Variants in OR4C11 observed in about 807,000 individuals in gnomAD.
OR4C11 encodes olfactory receptor family 4 subfamily C member 11.
Under a neutral mutation model 14.7 loss-of-function variants are expected in OR4C11, and 15 were observed. That is an observed-to-expected ratio of 1.02 (90% CI 0.68 to 1.58). The LOEUF (loss-of-function observed/expected upper bound fraction) is 1.58. OR4C11 is among the 40% of genes most tolerant of loss of function. The pLI is 0.00. For synonymous variants in OR4C11, 146 were observed against 135.0 expected (o/e 1.08, Z -0.57); for missense variants, 473 against 383.0 (o/e 1.24, Z -1.96).
rs1321877531 is a variant in OR4C11 at position 55,604,200 on chromosome 11, G to C, written c.174C>G (p.Tyr58Ter). The C allele has an allele frequency of 6.7e-7, 1 of 1,481,608 alleles. No homozygotes were observed. Among genetic ancestry groups the C allele is most frequent in the African/African-American group, 1.4e-5 (1 of 72,566 alleles). The allele number at this position is 1,481,608 out of a possible 1,614,324, so 91.8% of individuals were successfully genotyped here. The change falls in exon 4 of 4, where the codon TAC (tyrosine) becomes TAG (stop). Residue 58 changes from tyrosine (Y) to a stop codon, truncating the protein, a stop_gained. Coordinates refer to ENST00000641580, the MANE Select transcript of OR4C11 (RefSeq NM_001004700.3). LOFTEE classifies it high-confidence loss of function. ...CAAAGGACAAATAAAATAGAAAGAA[G>C]TACATGGGGCTTCCTAGTGTCCGGC... ...KSSRTLGSPM[Y>*]FFLFYLSFAD...
intron 3 of OR4C11, 70 bp downstream of exon 3, chr11:55,605,056 A>G (rs1298214940): frequency 1.4e-5 from 2 of 138,746 alleles, no homozygotes; most frequent in Non-Finnish European, 3.2e-5. Context: ...CAAAAAGTCA[A>G]TCATTACAGT....
chr11:55,603,598 G>T lies in OR4C11; in HGVS notation c.776C>A (p.Pro259His), dbSNP rs565082722. Reference sequence around the variant, plus strand: ...CTTGTCCATGGGGAAAGTGGTCGGGGGGCGTGTATATATGAATATACATGG... The same window carrying T: ...CTTGTCCATGGGGAAAGTGGTCGGGTGGCGTGTATATATGAATATACATGG... Reference protein sequence around the residue: ...FGPCIFIYTRPPTTFPMDKMV... With the variant: ...FGPCIFIYTRHPTTFPMDKMV... Residue 259 changes from proline to histidine, a missense_variant, in exon 4 of 4, where the codon CCC (proline) becomes CAC (histidine). Physicochemically the swap from Pro to His is moderately conservative, Grantham distance 77. Coordinates refer to ENST00000641580, the MANE Select transcript of OR4C11 (RefSeq NM_001004700.3). 124 of 1,485,488 alleles carry T rather than the reference G, an allele frequency of 8.3e-5. 26 individuals are homozygous for T. The South Asian group carries it at 1.3e-3, about 15-fold the overall frequency. 92.0% of individuals were successfully genotyped at this position (1,485,488 alleles called of 1,614,324 possible).
chr11:55,605,696 T>A (rs1857951766), intron 2 of OR4C11, among the ~76,000 whole-genome samples: 1 of 138,068 alleles, frequency 7.2e-6, no homozygotes, highest in Non-Finnish European at 1.6e-5. Context: ...TTCTGAAAAA[T>A]ATGACACAAA....
In OR4C11 at chr11:55,604,246, A is replaced by T. The variant is rs754342252; in HGVS notation, c.128T>A (p.Ile43Asn). The part of the protein sequence containing the change: ...YMGTVVGNML[I>N]IVTIKSSRTL... ...CCGGCTGGACTTGATGGTCACAATA[A>T]TGAGCATATTCCCCACCACAGTTCC... The change falls in exon 4 of 4, where the codon ATT becomes AAT. Residue 43 changes from isoleucine to asparagine, a missense_variant. Ile to Asn is a moderately radical substitution (Grantham distance 149). Transcript: ENST00000641580. 3.4e-6 allele frequency: 5 copies of T among 1,462,578 alleles called. 1 individual carries two copies. In the South Asian group the frequency reaches 4.8e-5, roughly 14 times the overall value. The allele number at this position is 1,462,578 out of a possible 1,614,324, so 90.6% of individuals were successfully genotyped here.
At chr11:55,604,706 C>T (rs1192379464) in intron 3 of OR4C11, among the ~76,000 whole-genome samples, 1 of 137,928 alleles carries the variant, frequency 7.3e-6, no homozygotes, top group Non-Finnish European at 1.6e-5. Context: ...AATGATTTTT[C>T]AAACAAAGTA....
rs1358905473 is a variant in OR4C11 at position 55,605,420 on chromosome 11, C to T, written c.-206-133G>A. 1.4e-5 allele frequency: 2 copies of T among 138,112 alleles called. 1 individual carries two copies. Among genetic ancestry groups the T allele is most frequent in the Non-Finnish European group, 3.2e-5 (2 of 62,176 alleles). The allele number at this position is 138,112 out of a possible 1,614,324, so 8.6% of individuals were successfully genotyped here. A position where few individuals can be genotyped will look rare whatever the true frequency, so the allele number is the denominator to read the frequency against. ...CGCTCCAAGTCAGGACTGAAACTTT[C>T]AATAGAATTTTTAGTTTGTATGTTC... On this transcript the variant is annotated intron_variant, in intron 2 of 3. Transcript: ENST00000641580.
chr11:55,604,437 A>T lies in OR4C11; in HGVS notation c.-44-20T>A. 1 of 702,366 alleles carries T rather than the reference A, an allele frequency of 1.4e-6. No individual in the cohort carries two copies. The highest frequency in any genetic ancestry group is 2.2e-6 in the Non-Finnish European group (1 of 454,914). The allele number at this position is 702,366 out of a possible 1,614,324, so 43.5% of individuals were successfully genotyped here. On this transcript the variant is annotated intron_variant, in intron 3 of 3. Coordinates refer to ENST00000641580, the MANE Select transcript of OR4C11 (RefSeq NM_001004700.3). ...GTTAATCTGCAAAAGAAAAAAAGAA[A>T]TAGATTCTAAATTTAGAGGTCAAAT... is the stretch of plus-strand genomic sequence containing the variant.
At position 55,605,356 on chromosome 11, in the gene OR4C11, T is replaced by C. The variant is rs1312363569; in HGVS notation, c.-206-69A>G. The C allele has an allele frequency of 4.4e-5, 6 of 137,320 alleles. 1 individual carries two copies. The highest frequency in any genetic ancestry group is 9.6e-5 in the Non-Finnish European group (6 of 62,262). 8.5% of individuals were successfully genotyped at this position (137,320 alleles called of 1,614,324 possible). A position where few individuals can be genotyped will look rare whatever the true frequency, so the allele number is the denominator to read the frequency against. Reference sequence around the variant, plus strand: ...AGGACATTCTTTCAAATTTCAGGTTTGCAGGTAAGCATCAGTGATTTAGAA... The same window carrying C: ...AGGACATTCTTTCAAATTTCAGGTTCGCAGGTAAGCATCAGTGATTTAGAA... On this transcript the variant is annotated intron_variant, in intron 2 of 3. Transcript: ENST00000641580.
At position 55,604,477 on chromosome 11, in the gene OR4C11, T is replaced by C; in HGVS notation, c.-44-60A>G. Reference sequence around the variant, plus strand: ...AGAGGTCAAATACATATTCTTGCAATGAAATTGCAACTTTCCAATGGCTTA... The same window carrying C: ...AGAGGTCAAATACATATTCTTGCAACGAAATTGCAACTTTCCAATGGCTTA... On this transcript the variant is annotated intron_variant, in intron 3 of 3. Transcript: ENST00000641580. 6.1e-6 allele frequency: 3 copies of C among 491,548 alleles called. 1 individual carries two copies. The highest frequency in any genetic ancestry group is 8.2e-5 in the South Asian group (2 of 24,414). The allele number at this position is 491,548 out of a possible 1,614,324, so 30.4% of individuals were successfully genotyped here. A position where few individuals can be genotyped will look rare whatever the true frequency, so the allele number is the denominator to read the frequency against.
At position 55,603,791 on chromosome 11, in the gene OR4C11, G is replaced by A. The variant is rs141353919; in HGVS notation, c.583C>T (p.Leu195=). ...LACMDTYMIN[L]LLVSNSGAIC... ...GCCCCACTGTTAGACACCAACAGCA[G>A]GTTGATCATGTAAGTGTCCATGCAG... Residue 195 remains leucine (L), a synonymous_variant, in exon 4 of 4, where the codon CTG becomes TTG. Coordinates refer to ENST00000641580, the MANE Select transcript of OR4C11 (RefSeq NM_001004700.3). 1.3e-5 allele frequency: 19 copies of A among 1,486,406 alleles called. 2 individuals are homozygous for A. In the African/African-American group the frequency reaches 2.5e-4, roughly 19 times the overall value. 92.1% of individuals were successfully genotyped at this position (1,486,406 alleles called of 1,614,324 possible). A position where few individuals can be genotyped will look rare whatever the true frequency, so the allele number is the denominator to read the frequency against.
chr11:55,603,712 T>C lies in OR4C11; in HGVS notation c.662A>G (p.His221Arg), dbSNP rs778608882. ...TTTGGCACTGTGGTTTCTCAGTGAA[T>C]GCAAGATGACAATATATGAAATTAT... is the stretch of plus-strand genomic sequence containing the variant. The part of the protein sequence containing the change: ...ILIISYIVIL[H>R]SLRNHSAKGK... Residue 221 changes from histidine (H) to arginine (R), a missense_variant, in exon 4 of 4, where the codon CAT becomes CGT. Transcript: ENST00000641580. 4.0e-5 allele frequency: 60 copies of C among 1,490,200 alleles called. 13 individuals are homozygous for C. The highest frequency in any genetic ancestry group is 5.1e-5 in the Non-Finnish European group (56 of 1,095,302). 92.3% of individuals were successfully genotyped at this position (1,490,200 alleles called of 1,614,324 possible).
rs544053944 is a variant in OR4C11 at position 55,607,121 on chromosome 11, C to T, written c.-365+166G>A. On this transcript the variant is annotated intron_variant, in intron 1 of 3. Coordinates refer to ENST00000641580, the MANE Select transcript of OR4C11 (RefSeq NM_001004700.3). Reference sequence around the variant, plus strand: ...CATCCTACCGTGGGCGACATCATCACCTTCATGGAGCACTTCCTGGAACAC... The same window carrying T: ...CATCCTACCGTGGGCGACATCATCATCTTCATGGAGCACTTCCTGGAACAC... 1.2e-3 allele frequency among the ~76,000 whole-genome samples: 171 copies of T among 138,268 alleles called. 19 individuals are homozygous for T. Among genetic ancestry groups the T allele is most frequent in the African/African-American group, 4.1e-3 (163 of 39,984 alleles). 90.7% of individuals were successfully genotyped at this position (138,268 alleles called of 152,430 possible). A position where few individuals can be genotyped will look rare whatever the true frequency, so the allele number is the denominator to read the frequency against.
chr11:55,603,269 G>T lies in OR4C11; in HGVS notation c.*172C>A, dbSNP rs1443314588. The T allele has an allele frequency of 1.3e-5, 6 of 465,326 alleles. 2 individuals carry two copies. Among genetic ancestry groups the T allele is most frequent in the Non-Finnish European group, 2.3e-5 (6 of 266,478 alleles). The allele number at this position is 465,326 out of a possible 1,614,324, so 28.8% of individuals were successfully genotyped here. A position where few individuals can be genotyped will look rare whatever the true frequency, so the allele number is the denominator to read the frequency against. ...TATTCTACCTAGTTCTGGCACAAAA[G>T]ACAATGTCTTGGTAGTCACAACTCC... is the stretch of plus-strand genomic sequence containing the variant. On this transcript the variant is annotated 3_prime_UTR_variant, in exon 4 of 4. Transcript: ENST00000641580.
At chr11:55,606,206 G>GCACA (rs1216801378) in intron 2 of OR4C11, among the ~76,000 whole-genome samples, 15 of 123,842 alleles carry the variant, frequency 1.2e-4, no homozygotes, top group African/African-American at 4.2e-4. Flanking sequence ...ATATGCACAC[G>GCACA]CACGCACACA....
chr11:55,606,494 A>G (rs1221904187), intron 2 of OR4C11, 28 bp downstream of exon 2: 1 of 138,316 alleles, frequency 7.2e-6, no homozygotes. Flanking sequence ...ATAATGCTAC[A>G]TCGAAAATAA....
Position 55,603,580 on chromosome 11 carries a change from A to T in OR4C11, c.794T>A (p.Met265Lys). Residue 265 changes from methionine to lysine, a missense_variant, in exon 4 of 4, where the codon ATG (methionine) becomes AAG (lysine). Physicochemically the swap from Met to Lys is moderately conservative, Grantham distance 95. Transcript: ENST00000641580. ...ATAAAATACTGCCACCATCTTGTCC[A>T]TGGGGAAAGTGGTCGGGGGGCGTGT... is the stretch of plus-strand genomic sequence containing the variant. Reference protein sequence around the residue: ...IYTRPPTTFPMDKMVAVFYTI... With the variant: ...IYTRPPTTFPKDKMVAVFYTI... 3 of 1,480,362 alleles carry T rather than the reference A, an allele frequency of 2.0e-6. 1 individual carries two copies. Among genetic ancestry groups the T allele is most frequent in the South Asian group, 1.2e-5 (1 of 84,626 alleles). 91.7% of individuals were successfully genotyped at this position (1,480,362 alleles called of 1,614,324 possible). A position where few individuals can be genotyped will look rare whatever the true frequency, so the allele number is the denominator to read the frequency against.
Position 55,603,975 on chromosome 11 carries a change from G to A in OR4C11, c.399C>T (p.Ile133=). The A allele has an allele frequency of 6.7e-7, 1 of 1,490,386 alleles. No homozygotes were observed. The highest frequency in any genetic ancestry group is 9.1e-7 in the Non-Finnish European group (1 of 1,096,636). 92.3% of individuals were successfully genotyped at this position (1,490,386 alleles called of 1,614,324 possible). The part of the protein sequence containing the change: ...AICKPLRYPT[I]MSQQVCIILI... The stretch of plus-strand genomic sequence containing the variant: ...GGATGATGCAGACCTGCTGGCTCAT[G>A]ATGGTTGGGTAACGCAAGGGCTTAC... Residue 133 remains isoleucine (I), a synonymous_variant, in exon 4 of 4, where the codon ATC becomes ATT. Transcript: ENST00000641580.
chr11:55,605,993 G>A (rs926483078), intron 2 of OR4C11, among the ~76,000 whole-genome samples: 2 of 138,124 alleles, frequency 1.4e-5, no homozygotes, highest in African/African-American at 5.0e-5. Flanking sequence ...TATGACAACC[G>A]GATATAGATA....
In OR4C11 at chr11:55,604,146, G is replaced by A. The variant is rs755313746; in HGVS notation, c.228C>T (p.Ala76=). 30 of 1,461,178 alleles carry A rather than the reference G, an allele frequency of 2.1e-5. 7 individuals are homozygous for A. In the South Asian group the frequency reaches 3.6e-4, roughly 17 times the overall value. 90.5% of individuals were successfully genotyped at this position (1,461,178 alleles called of 1,614,324 possible). A position where few individuals can be genotyped will look rare whatever the true frequency, so the allele number is the denominator to read the frequency against. The change falls in exon 4 of 4, where the codon GCC becomes GCT. Residue 76 remains alanine (A), a synonymous_variant. Coordinates refer to ENST00000641580, the MANE Select transcript of OR4C11 (RefSeq NM_001004700.3). Reference sequence around the variant, plus strand: ...AGAGAGCATCCACAATTAATCTAGGGGCTGTGGAAGTTGAAAAGCAAGAAT... The same window carrying A: ...AGAGAGCATCCACAATTAATCTAGGAGCTGTGGAAGTTGAAAAGCAAGAAT... ...FADSCFSTST[A]PRLIVDALSE... is the part of the protein sequence containing the mutation.
Sources: gnomAD v4.1 joint callset for allele counts (sites outside exome capture counted in the v4.1 genomes callset) on GRCh38, gnomAD v4.1.1 for gene constraint, MANE v1.5 for transcripts, NCBI Gene and HGNC (gene_info 2026-07-23, HGNC 2026-07-21) for gene names.